DGKB: variants seen among roughly 807,000 people sequenced by gnomAD.
The protein encoded by DGKB is diacylglycerol kinase beta.
In DGKB, 67 loss-of-function variants were observed where a neutral mutation model predicts 114.3. The ratio of observed to expected loss-of-function variants is 0.59; its 90% CI spans 0.48 to 0.72. The LOEUF (loss-of-function observed/expected upper bound fraction) is 0.72. DGKB is among the 30% of genes least tolerant of loss of function. DGKB has a pLI of 0.00. For missense variants in DGKB, 907 were observed against 975.2 expected (o/e 0.93, Z 0.93); for synonymous variants, 398 against 323.1 (o/e 1.23, Z -2.49).
At chr7:14,619,516 G>T (rs1218317963) in intron 15 of DGKB, among the ~76,000 whole-genome samples, 1 of 151,590 alleles carries the variant, frequency 6.6e-6, no homozygotes, top group Non-Finnish European at 1.5e-5. Flanking sequence ...GGAAAACTGA[G>T]ATTAGAGGAG....
chr7:14,963,890 T>G (rs1422598336), intron 1 of DGKB, among the ~76,000 whole-genome samples: 5 of 152,162 alleles, frequency 3.3e-5, no homozygotes, highest in Non-Finnish European at 2.9e-5. Context: ...AGCACAGATC[T>G]TGCTCTGTAG....
At chr7:14,673,351 C>G (rs535041072) in intron 12 of DGKB, among the ~76,000 whole-genome samples, 1 of 150,092 alleles carries the variant, frequency 6.7e-6, no homozygotes, top group South Asian at 2.1e-4. Context: ...TACAGTTCTT[C>G]CTTTGCTTAT....
intron 20 of DGKB, among the ~76,000 whole-genome samples, chr7:14,514,297 A>G (rs1788431272): frequency 6.6e-6 from 1 of 152,126 alleles, no homozygotes; most frequent in Admixed American, 6.5e-5. Context: ...TCAAAATTAA[A>G]CATTTAGTTC....
chr7:14,651,300 A>G (rs1191031534), intron 13 of DGKB, among the ~76,000 whole-genome samples: 1 of 152,070 alleles, frequency 6.6e-6, no homozygotes, highest in African/African-American at 2.4e-5. Context: ...CTTATCCACC[A>G]TGATCAAGTG....
chr7:14,540,793 C>T (rs1793295428), intron 20 of DGKB, among the ~76,000 whole-genome samples: 1 of 152,122 alleles, frequency 6.6e-6, no homozygotes, highest in Non-Finnish European at 1.5e-5. Context: ...TAAGCAGTAA[C>T]AGGCAAATGA....
At chr7:14,442,619 A>G (rs1290064580) in intron 21 of DGKB, among the ~76,000 whole-genome samples, 2 of 152,158 alleles carry the variant, frequency 1.3e-5, no homozygotes, top group Non-Finnish European at 2.9e-5. Flanking sequence ...GCAGATATAA[A>G]TTTCCTGTAA....
intron 6 of DGKB, among the ~76,000 whole-genome samples, chr7:14,717,461 G>T (rs963836435): frequency 6.6e-6 from 1 of 151,928 alleles, no homozygotes; most frequent in African/African-American, 2.4e-5. Context: ...AATAAATCTT[G>T]AAATGCAAAT....
At position 14,629,743 on chromosome 7, in the gene DGKB, G is replaced by A. The variant is rs78328646; in HGVS notation, c.1167+493C>T. 4.6e-3 allele frequency among the ~76,000 whole-genome samples: 698 copies of A among 152,094 alleles called. 6 individuals carry two copies. The highest frequency in any genetic ancestry group is 0.016 in the African/African-American group (646 of 41,526). On this transcript the variant is annotated intron_variant, in intron 14 of 25. Coordinates refer to ENST00000402815, the MANE Select transcript of DGKB (RefSeq NM_001350709.2). ...TATTCTGACTATATTTTATTCTGAT[G>A]TTTCTCTATACAATGGCATGGGCTA... is the stretch of plus-strand genomic sequence containing the variant.
chr7:14,574,172 C>T, intron 20 of DGKB, 40 bp downstream of exon 20: 1 of 1,523,312 alleles, frequency 6.6e-7, no homozygotes, highest in Non-Finnish European at 8.9e-7. Context: ...TGTGATTATA[C>T]AGTACAGGTA....
At chr7:14,415,137 CATATAA>C (rs1315069860) in intron 21 of DGKB, among the ~76,000 whole-genome samples, 6 of 151,560 alleles carry the variant, frequency 4.0e-5, no homozygotes, top group African/African-American at 1.2e-4. Context: ...AAAGTGATTA[CATATAA>C]ATATATTTCT....
intron 17 of DGKB, among the ~76,000 whole-genome samples, chr7:14,584,601 A>G (rs556145525): frequency 7.9e-5 from 12 of 152,214 alleles, no homozygotes; most frequent in African/African-American, 2.4e-4. Flanking sequence ...AACCTGTCCT[A>G]TGAAAAGAAC....
chr7:14,274,257 A>G (rs557188996), intron 23 of DGKB, among the ~76,000 whole-genome samples: 63 of 152,310 alleles, frequency 4.1e-4, no homozygotes, highest in Admixed American at 1.1e-3. Flanking sequence ...TGAAGGTGAT[A>G]CGCAGTGATA....
rs73070760 is a variant in DGKB at position 14,809,602 on chromosome 7, A to C, written c.70+31592T>G. Among the ~76,000 whole-genome samples the C allele has an allele frequency of 1.5e-3, 234 of 152,058 alleles. 1 individual carries two copies. In the Middle Eastern group the frequency reaches 0.02, roughly 13 times the overall value. ...TTTTTATGAGTAAAGAACGCATAAC[A>C]CTGGGACAATATTTTTTTTTTGCCA... On this transcript the variant is annotated intron_variant, in intron 2 of 25. Coordinates refer to ENST00000402815, the MANE Select transcript of DGKB (RefSeq NM_001350709.2).
intron 20 of DGKB, among the ~76,000 whole-genome samples, chr7:14,491,104 T>A (rs1229854650): frequency 6.6e-6 from 1 of 152,080 alleles, no homozygotes; most frequent in Non-Finnish European, 1.5e-5. Context: ...CTCATGGTGC[T>A]ACTTCCATAT....
At chr7:14,768,900 T>C (rs1836859621) in intron 2 of DGKB, among the ~76,000 whole-genome samples, 1 of 151,956 alleles carries the variant, frequency 6.6e-6, no homozygotes, top group Non-Finnish European at 1.5e-5. Context: ...ACATTTGTTA[T>C]AACAAACTTT....
At chr7:14,621,250 T>C in intron 15 of DGKB, 128 bp downstream of exon 15, 1 of 590,980 alleles carries the variant, frequency 1.7e-6, no homozygotes, top group South Asian at 2.2e-5. Context: ...AATAAAGATC[T>C]TTCTGAAAGA....
chr7:14,524,146 T>A (rs1001099930), intron 20 of DGKB, among the ~76,000 whole-genome samples: 2 of 152,176 alleles, frequency 1.3e-5, no homozygotes, highest in Non-Finnish European at 2.9e-5. Flanking sequence ...TATTTTATAT[T>A]TATTGTGTTA....
intron 20 of DGKB, among the ~76,000 whole-genome samples, chr7:14,563,298 A>AT (rs1254672735): frequency 1.3e-5 from 2 of 152,046 alleles, no homozygotes; most frequent in East Asian, 1.9e-4. Context: ...TAGGTTATTC[A>AT]TTTTTTTACT....
chr7:14,399,900 C>T (rs566709415), intron 21 of DGKB, among the ~76,000 whole-genome samples: 42 of 151,640 alleles, frequency 2.8e-4, no homozygotes, highest in Non-Finnish European at 5.0e-4. Flanking sequence ...AGATTTTTCT[C>T]TTTTGATAGA....
Sources: gnomAD v4.1 joint callset for allele counts (sites outside exome capture counted in the v4.1 genomes callset) on GRCh38, gnomAD v4.1.1 for gene constraint, MANE v1.5 for transcripts, NCBI Gene and HGNC (gene_info 2026-07-23, HGNC 2026-07-21) for gene names.